The following CEP126 variants were observed in gnomAD, a reference collection of about 807,000 sequenced individuals.
CEP126 encodes centrosomal protein of 126 kDa.
A neutral mutation model predicts 107.8 loss-of-function variants in CEP126; 74 were observed. That is an observed-to-expected ratio of 0.69 (90% CI 0.57 to 0.83). CEP126 has a LOEUF of 0.83. Ranked by LOEUF, CEP126 falls within the 40% of genes least tolerant of loss-of-function variation. CEP126 has a pLI of 0.00. For missense variants in CEP126, 1,237 were observed against 1,281.9 expected (o/e 0.96, Z 0.53); for synonymous variants, 449 against 446.0 (o/e 1.01, Z -0.08).
At chr11:101,982,400 G>A (rs1941266678) in intron 8 of CEP126, among the ~76,000 whole-genome samples, 1 of 152,168 alleles carries the variant, frequency 6.6e-6, no homozygotes, top group Non-Finnish European at 1.5e-5. Flanking sequence ...AGTGGTGTAT[G>A]TCAACTTGAG....
chr11:101,921,649 G>A (rs1204871419), intron 1 of CEP126, among the ~76,000 whole-genome samples: 1 of 143,494 alleles, frequency 7.0e-6, no homozygotes, highest in Non-Finnish European at 1.5e-5. Context: ...AGAGGTTGCA[G>A]TGAGCTAAGA....
At chr11:101,972,816 A>C (rs1021464590) in intron 6 of CEP126, among the ~76,000 whole-genome samples, 2 of 152,184 alleles carry the variant, frequency 1.3e-5, no homozygotes, top group Admixed American at 1.3e-4. Context: ...AAAGAATTTC[A>C]TGTTAATTAT....
intron 3 of CEP126, among the ~76,000 whole-genome samples, chr11:101,947,309 T>C (rs559630015): frequency 6.6e-6 from 1 of 152,292 alleles, no homozygotes; most frequent in East Asian, 1.9e-4. Flanking sequence ...ATAGATAGTA[T>C]AGTATATTTA....
chr11:101,990,483 G>A (rs1370851891), intron 9 of CEP126, among the ~76,000 whole-genome samples: 1 of 152,092 alleles, frequency 6.6e-6, no homozygotes, highest in African/African-American at 2.4e-5. Flanking sequence ...ACATTCCCGG[G>A]CCAAAACCAT....
chr11:101,993,392 G>T (rs1478192942), intron 10 of CEP126, among the ~76,000 whole-genome samples: 10 of 152,244 alleles, frequency 6.6e-5, no homozygotes, highest in Non-Finnish European at 5.9e-5. Context: ...ACATGATCTT[G>T]GTCTTTTTTA....
At chr11:101,979,665 G>C (rs1721565767) in intron 7 of CEP126, among the ~76,000 whole-genome samples, 1 of 152,162 alleles carries the variant, frequency 6.6e-6, no homozygotes, top group Non-Finnish European at 1.5e-5. Context: ...ATGAGCCCAG[G>C]AGTTTGAGGC....
At chr11:101,987,763 A>C (rs567903648) in intron 9 of CEP126, among the ~76,000 whole-genome samples, 1 of 152,200 alleles carries the variant, frequency 6.6e-6, no homozygotes, top group Non-Finnish European at 1.5e-5. Flanking sequence ...GTCTAATACA[A>C]GTATCACACT....
intron 6 of CEP126, among the ~76,000 whole-genome samples, chr11:101,974,181 G>T (rs1397512738): frequency 6.6e-6 from 1 of 152,038 alleles, no homozygotes; most frequent in Non-Finnish European, 1.5e-5. Context: ...TACCATAGCT[G>T]TTACAAGGTC....
At chr11:101,992,737 T>C in intron 9 of CEP126, 41 bp from the exon 10 acceptor site, 1 of 1,065,352 alleles carries the variant, frequency 9.4e-7, no homozygotes, top group Non-Finnish European at 1.3e-6. Context: ...TTTCTATATA[T>C]GTAACTAAAT....
rs1406836385 is a variant in CEP126, at chr11:101,915,432, G to C, written c.128+20G>C. On this transcript the variant is annotated intron_variant, in intron 1 of 10. Transcript: ENST00000263468. ...TTACCTGTATCCTTCCCAGCCTGTG[G>C]CTGCCAGGGTAGCGATGTTGAAAAC... 1 of 1,595,860 alleles carries C rather than the reference G, an allele frequency of 6.3e-7. No homozygotes were observed. Among genetic ancestry groups the C allele is most frequent in the Non-Finnish European group, 8.6e-7 (1 of 1,167,350 alleles).
intron 2 of CEP126, among the ~76,000 whole-genome samples, chr11:101,926,759 CAT>C (rs1197813271): frequency 2.0e-5 from 3 of 152,146 alleles, no homozygotes; most frequent in Non-Finnish European, 2.9e-5. Context: ...CACATTTTAA[CAT>C]AAATTTTTCT....
At chr11:101,954,020 T>TTTTTTTTG (rs1940850243) in intron 4 of CEP126, among the ~76,000 whole-genome samples, 1 of 149,498 alleles carries the variant, frequency 6.7e-6, no homozygotes, top group Non-Finnish European at 1.5e-5. Context: ...TATTTTCCTT[T>TTTTTTTTG]TTTGTTTGTT....
At chr11:101,927,130 C>T (rs1410557741) in intron 2 of CEP126, among the ~76,000 whole-genome samples, 14 of 152,058 alleles carry the variant, frequency 9.2e-5, no homozygotes, top group African/African-American at 2.9e-4. Flanking sequence ...GGTGAAACCC[C>T]GTCTCTACTA....
chr11:101,919,189 C>T (rs939137079), intron 1 of CEP126, among the ~76,000 whole-genome samples: 2 of 151,998 alleles, frequency 1.3e-5, no homozygotes, highest in Non-Finnish European at 2.9e-5. Flanking sequence ...TGTAGTCGTC[C>T]AAGCAAGGGA....
At chr11:101,988,594 A>T (rs887015023) in intron 9 of CEP126, among the ~76,000 whole-genome samples, 14 of 152,154 alleles carry the variant, frequency 9.2e-5, no homozygotes, top group African/African-American at 3.4e-4. Flanking sequence ...AATCAGCAAC[A>T]AAAAGGCAGA....
chr11:101,938,291 G>T (rs1402408402), intron 2 of CEP126, among the ~76,000 whole-genome samples: 2 of 150,204 alleles, frequency 1.3e-5, no homozygotes, highest in African/African-American at 4.9e-5. Context: ...ACCCTGTCTT[G>T]CATTCATGAT....
At chr11:101,939,989 GCTGA>G (rs1392650602) in intron 2 of CEP126, among the ~76,000 whole-genome samples, 2 of 152,004 alleles carry the variant, frequency 1.3e-5, no homozygotes, top group Non-Finnish European at 2.9e-5. Context: ...ATACATACCA[GCTGA>G]CTAAGATTCC....
At position 101,962,556 on chromosome 11, in the gene CEP126, T is replaced by C; in HGVS notation, c.1521T>C (p.Tyr507=). The change falls in exon 6 of 11, where the codon TAT becomes TAC. Residue 507 remains tyrosine, a synonymous_variant. Transcript: ENST00000263468. ...ATGGTAAAGAAGAAGAGATAAAATA[T>C]TTTAATTGCAATAAGGAAGAGTTGC... ...LKDGKEEEIK[Y]FNCNKEELPL... The C allele has an allele frequency of 6.2e-7, 1 of 1,613,256 alleles. No homozygotes were observed. Among genetic ancestry groups the C allele is most frequent in the Non-Finnish European group, 8.5e-7 (1 of 1,179,448 alleles).
At chr11:101,987,901 C>G (rs1209879940) in intron 9 of CEP126, among the ~76,000 whole-genome samples, 1 of 151,872 alleles carries the variant, frequency 6.6e-6, no homozygotes, top group Non-Finnish European at 1.5e-5. Flanking sequence ...GTATCTTCTG[C>G]ACCTATATTC....
Sources: gnomAD v4.1 joint callset for allele counts (sites outside exome capture counted in the v4.1 genomes callset) on GRCh38, gnomAD v4.1.1 for gene constraint, MANE v1.5 for transcripts, NCBI Gene and HGNC (gene_info 2026-07-23, HGNC 2026-07-21) for gene names.